KCNIP4: variants seen among roughly 807,000 people sequenced by gnomAD.
KCNIP4 encodes potassium voltage-gated channel interacting protein 4, also known as Kv channel-interacting protein 4.
KCNIP4 carries 12 observed loss-of-function variants against 34.0 expected under a neutral mutation model. The ratio of observed to expected loss-of-function variants is 0.35; its 90% CI spans 0.23 to 0.57. The LOEUF is 0.57. Among genes scored for constraint, KCNIP4 ranks in the 20% least tolerant of loss-of-function variants. The pLI is 0.83. For synonymous variants in KCNIP4, 124 were observed against 102.2 expected, an observed-to-expected ratio of 1.21 and a Z score of -1.29; for missense variants, 238 against 311.7, an observed-to-expected ratio of 0.76 and a Z score of 1.78.
chr4:21,359,473 T>G (rs1182354710), intron 1 of KCNIP4, among the ~76,000 whole-genome samples: 2 of 152,134 alleles, frequency 1.3e-5, no homozygotes, highest in Non-Finnish European at 2.9e-5. Flanking sequence ...CAGTGGCCCA[T>G]GCTATCAGGC....
intron 3 of KCNIP4, among the ~76,000 whole-genome samples, chr4:20,837,110 G>A (rs959864787): frequency 2.6e-5 from 4 of 152,122 alleles, no homozygotes; most frequent in Non-Finnish European, 4.4e-5. Flanking sequence ...GGGAACTTGA[G>A]ATGAAAAGTT....
intron 1 of KCNIP4, among the ~76,000 whole-genome samples, chr4:21,456,777 C>T (rs1728988577): frequency 6.6e-6 from 1 of 151,882 alleles, no homozygotes; most frequent in African/African-American, 2.4e-5. Flanking sequence ...TCTCACATAG[C>T]CAAATAAGTT....
intron 1 of KCNIP4, among the ~76,000 whole-genome samples, chr4:21,807,232 T>A (rs1028029746): frequency 1.6e-4 from 24 of 152,176 alleles, no homozygotes; most frequent in Non-Finnish European, 3.2e-4. Flanking sequence ...CAGACAAAGC[T>A]TCGCTTGCTC....
chr4:20,882,470 T>C (rs1384030862), intron 2 of KCNIP4, 138 bp downstream of exon 2: 8 of 650,046 alleles, frequency 1.2e-5, no homozygotes, highest in Non-Finnish European at 2.1e-5. Context: ...CTCCTGGGTA[T>C]TTAGGTAAAC....
chr4:21,043,496 ATT>A (rs373193720), intron 1 of KCNIP4, among the ~76,000 whole-genome samples: 5 of 143,330 alleles, frequency 3.5e-5, no homozygotes, highest in Non-Finnish European at 4.6e-5. Context: ...TGCCCAGCTA[ATT>A]TTTTTTTTTT....
intron 1 of KCNIP4, among the ~76,000 whole-genome samples, chr4:21,765,049 C>T (rs1381553324): frequency 6.6e-6 from 1 of 151,988 alleles, no homozygotes; most frequent in Non-Finnish European, 1.5e-5. Context: ...TTGAGCTACT[C>T]TCAGGGAGTA....
intron 1 of KCNIP4, among the ~76,000 whole-genome samples, chr4:21,406,224 G>A (rs560974729): frequency 4.7e-4 from 71 of 152,182 alleles, no homozygotes; most frequent in Non-Finnish European, 9.4e-4. Flanking sequence ...AGTAGATAAT[G>A]TGTGGCTGAG....
chr4:21,592,055 T>C (rs978865122), intron 1 of KCNIP4, among the ~76,000 whole-genome samples: 25 of 151,944 alleles, frequency 1.6e-4, no homozygotes, highest in African/African-American at 5.8e-4. Flanking sequence ...CATGGGAAAA[T>C]ATACTGGAGT....
rs527459873 is a variant in KCNIP4, at chr4:20,898,443, G to A, written c.62-15734C>T. 2.0e-5 allele frequency among the ~76,000 whole-genome samples: 3 copies of A among 152,186 alleles called. No homozygotes were observed. The South Asian group carries it at 6.2e-4, about 32-fold the overall frequency. On this transcript the variant is annotated intron_variant, in intron 1 of 8. Transcript: ENST00000382152. ...GGAACACCACTAACAATGAATGAAG[G>A]GGATATTATTAATAATGATATCCAG...
intron 1 of KCNIP4, among the ~76,000 whole-genome samples, chr4:21,093,791 A>G (rs528531464): frequency 2.2e-4 from 34 of 152,282 alleles, no homozygotes; most frequent in Non-Finnish European, 3.8e-4. Context: ...CAATTAAAAG[A>G]AAAAAAGCTG....
At chr4:21,205,040 G>A (rs1042463156) in intron 1 of KCNIP4, among the ~76,000 whole-genome samples, 1 of 152,170 alleles carries the variant, frequency 6.6e-6, no homozygotes, top group African/African-American at 2.4e-5. Context: ...CTCTGTGGCA[G>A]ACTTAACTGT....
chr4:20,749,067 A>G (rs953733603), intron 5 of KCNIP4, among the ~76,000 whole-genome samples: 3 of 151,664 alleles, frequency 2.0e-5, no homozygotes, highest in Non-Finnish European at 4.4e-5. Context: ...CTGAGACAGG[A>G]GAATCACTTG....
chr4:21,407,191 C>G (rs1049554020), intron 1 of KCNIP4, among the ~76,000 whole-genome samples: 1 of 151,440 alleles, frequency 6.6e-6, no homozygotes, highest in Non-Finnish European at 1.5e-5. Context: ...TAGTATGCCT[C>G]TTGGCTCTAC....
At chr4:21,600,406 C>T (rs190446426) in intron 1 of KCNIP4, among the ~76,000 whole-genome samples, 4 of 152,136 alleles carry the variant, frequency 2.6e-5, no homozygotes, top group Non-Finnish European at 5.9e-5. Context: ...TGGGGGTACA[C>T]GTGCTAGTTT....
In KCNIP4 at chr4:21,178,833, T is replaced by G. The variant is rs1018755582; in HGVS notation, c.62-296124A>C. ...CACCAAACTTTTTTTTTTTTTTTTTTTGTTTTGAGTGTCTCATTCATTGCT... is the reference window on the plus strand; with the variant it reads ...CACCAAACTTTTTTTTTTTTTTTTTGTGTTTTGAGTGTCTCATTCATTGCT... On this transcript the variant is annotated intron_variant, in intron 1 of 8. Transcript: ENST00000382152. 1.5e-3 allele frequency among the ~76,000 whole-genome samples: 213 copies of G among 145,634 alleles called. 1 individual carries two copies. Among genetic ancestry groups the G allele is most frequent in the Non-Finnish European group, 2.4e-3 (155 of 65,636 alleles).
intron 1 of KCNIP4, among the ~76,000 whole-genome samples, chr4:21,077,160 T>C (rs947199628): frequency 3.3e-5 from 5 of 151,666 alleles, no homozygotes; most frequent in Admixed American, 2.6e-4. Flanking sequence ...TAAATAAAAA[T>C]TAAAATTAAA....
intron 1 of KCNIP4, among the ~76,000 whole-genome samples, chr4:21,199,205 C>G (rs1237919225): frequency 6.6e-6 from 1 of 152,176 alleles, no homozygotes; most frequent in East Asian, 1.9e-4. Flanking sequence ...TAAAAGTGTT[C>G]CTATTTCTCC....
At chr4:21,832,742 C>A (rs1723070734) in intron 1 of KCNIP4, among the ~76,000 whole-genome samples, 1 of 102,800 alleles carries the variant, frequency 9.7e-6, no homozygotes, top group East Asian at 3.7e-4. Context: ...CCTCCCCCCT[C>A]CCCCCACCCC....
chr4:20,950,685 T>C (rs1732690228), intron 1 of KCNIP4, among the ~76,000 whole-genome samples: 1 of 152,020 alleles, frequency 6.6e-6, no homozygotes, highest in Non-Finnish European at 1.5e-5. Context: ...AGGCATGCAA[T>C]GTAGAAGCCA....
Sources: allele counts gnomAD v4.1 joint callset (sites outside exome capture counted in the v4.1 genomes callset), GRCh38; gene constraint gnomAD v4.1.1; transcripts MANE v1.5; gene names NCBI Gene and HGNC (gene_info 2026-07-23, HGNC 2026-07-21).